Variants in LRRK2 observed in about 807,000 individuals in gnomAD.
LRRK2 encodes the protein leucine rich repeat kinase 2.
A neutral mutation model predicts 302.6 loss-of-function variants in LRRK2; 203 were observed. That is an observed-to-expected ratio of 0.67 (90% CI 0.60 to 0.75). The LOEUF is 0.75. Among genes scored for constraint, LRRK2 ranks in the 30% least tolerant of loss-of-function variants. The probability of loss-of-function intolerance (pLI) is 0.00; values close to 1 mark genes in which losing one functional copy is unlikely to be tolerated. For missense variants in LRRK2, 2,830 were observed against 2,951.0 expected, an observed-to-expected ratio of 0.96 and a Z score of 0.95; for synonymous variants, 1,066 against 1,031.9, an observed-to-expected ratio of 1.03 and a Z score of -0.63.
In LRRK2 at chr12:40,323,171, G is replaced by C; in HGVS notation, c.5521G>C (p.Val1841Leu). ...TTATTACTTCTCAGGAGATCTCTTA[G>C]TAAATCCAGATCAACCAAGGCTCAC... is the stretch of plus-strand genomic sequence containing the variant. ...MKKAEEGDLL[V>L]NPDQPRLTIP... is the part of the protein sequence containing the mutation. The change falls in exon 38 of 51, where the codon GTA (valine) becomes CTA (leucine). Residue 1841 changes from valine (V) to leucine (L), a missense_variant. This residue lies in a region of LRRK2 where 2,121 missense variants were observed against 2,148.0 expected (regional missense o/e 0.99). Transcript: ENST00000298910. The C allele has an allele frequency of 6.2e-7, 1 of 1,612,962 alleles. No individual in the cohort carries two copies. Among genetic ancestry groups the C allele is most frequent in the Non-Finnish European group, 8.5e-7 (1 of 1,179,216 alleles).
chr12:40,291,423 T>C (rs1944152317), intron 20 of LRRK2, among the ~76,000 whole-genome samples: 1 of 114,866 alleles, frequency 8.7e-6, no homozygotes, highest in South Asian at 2.9e-4. Context: ...GAACTTAAAG[T>C]ATAATAAAAT....
chr12:40,305,937 T>C lies in LRRK2; in HGVS notation c.3930T>C (p.His1310=), dbSNP rs945724905. ...DELHLNFDFK[H]IGCKAKDIIR... is the part of the protein sequence containing the mutation. ...TGCATCTTAACTTTGATTTTAAACA[T>C]ATAGGATGTAAAGCCAAAGACATCA... is the stretch of plus-strand genomic sequence containing the variant. Residue 1310 remains histidine, a synonymous_variant, in exon 28 of 51, where the codon CAT becomes CAC. Coordinates refer to ENST00000298910, the MANE Select transcript of LRRK2 (RefSeq NM_198578.4). The C allele has an allele frequency of 6.2e-7, 1 of 1,611,570 alleles. No individual in the cohort carries two copies. The highest frequency in any genetic ancestry group is 8.5e-7 in the Non-Finnish European group (1 of 1,178,474).
chr12:40,337,823 C>T (rs995850152), intron 40 of LRRK2, among the ~76,000 whole-genome samples: 4 of 152,184 alleles, frequency 2.6e-5, no homozygotes, highest in Non-Finnish European at 5.9e-5. Context: ...CACCCCACTG[C>T]CCACACTGCA....
At position 40,323,153 on chromosome 12, in the gene LRRK2, T is replaced by C. The variant is rs766613062; in HGVS notation, c.5510-7T>C. 1 of 1,611,398 alleles carries C rather than the reference T, an allele frequency of 6.2e-7. No homozygotes were observed. The highest frequency in any genetic ancestry group is 1.7e-5 in the Admixed American group (1 of 59,978). On this transcript the variant is annotated splice_polypyrimidine_tract_variant and splice_region_variant and intron_variant, in intron 37 of 50. Coordinates refer to ENST00000298910, the MANE Select transcript of LRRK2 (RefSeq NM_198578.4). ...TTTTATTTAAAAAATGTTTTATTAC[T>C]TCTCAGGAGATCTCTTAGTAAATCC...
At chr12:40,264,322 T>G (rs1188176633) in intron 14 of LRRK2, among the ~76,000 whole-genome samples, 2 of 152,112 alleles carry the variant, frequency 1.3e-5, no homozygotes, top group Non-Finnish European at 1.5e-5. Context: ...CATACCAGTG[T>G]TAACAGTAAA....
At position 40,363,361 on chromosome 12, in the gene LRRK2, A is replaced by G. The variant is rs184962630; in HGVS notation, c.7029-41A>G. 3,916 of 1,591,324 alleles carry G rather than the reference A, an allele frequency of 2.5e-3. 11 individuals carry two copies. The highest frequency in any genetic ancestry group is 2.9e-3 in the Non-Finnish European group (3,359 of 1,167,936). On this transcript the variant is annotated intron_variant, in intron 47 of 50. Coordinates refer to ENST00000298910, the MANE Select transcript of LRRK2 (RefSeq NM_198578.4). ...TATTACACGTAGAAATTTTAAGAAG[A>G]AAACAAATAGTGATGACTTTCTATT...
At chr12:40,321,355 T>A (rs903349177) in intron 35 of LRRK2, among the ~76,000 whole-genome samples, 167 bp downstream of exon 35, 2 of 151,994 alleles carry the variant, frequency 1.3e-5, no homozygotes, top group Non-Finnish European at 2.9e-5. Context: ...CATAAAACCT[T>A]GGAGTAGGCA....
chr12:40,317,383 C>CT (rs1945257692), intron 33 of LRRK2, among the ~76,000 whole-genome samples: 1 of 151,964 alleles, frequency 6.6e-6, no homozygotes, highest in Admixed American at 6.6e-5. Context: ...TCAAGTGAAA[C>CT]CAAGAGCAAC....
intron 41 of LRRK2, among the ~76,000 whole-genome samples, chr12:40,341,955 A>G (rs1402965896): frequency 6.6e-6 from 1 of 152,216 alleles, no homozygotes; most frequent in Non-Finnish European, 1.5e-5. Context: ...CATAGACCTG[A>G]TATATTTCCA....
chr12:40,335,250 C>A (rs2136938840), intron 40 of LRRK2, 93 bp downstream of exon 40: 3 of 1,286,190 alleles, frequency 2.3e-6, no homozygotes, highest in Non-Finnish European at 3.3e-6. Context: ...TAACACTGTG[C>A]CCCAGTAACA....
intron 42 of LRRK2, among the ~76,000 whole-genome samples, chr12:40,347,635 T>C (rs1159325819): frequency 6.6e-6 from 1 of 152,238 alleles, no homozygotes; most frequent in Non-Finnish European, 1.5e-5. Context: ...TAATCTAGGT[T>C]ATTTCCCTTA....
At chr12:40,293,005 G>T (rs1944219360) in intron 20 of LRRK2, among the ~76,000 whole-genome samples, 1 of 152,052 alleles carries the variant, frequency 6.6e-6, no homozygotes, top group Middle Eastern at 3.4e-3. Flanking sequence ...AATAATTTGT[G>T]TGATTACAAC....
chr12:40,231,576 C>CAAAAAAAAAAAAAAAAA (rs71078231), intron 2 of LRRK2, among the ~76,000 whole-genome samples: 1 of 105,884 alleles, frequency 9.4e-6, no homozygotes, highest in Non-Finnish European at 1.8e-5. Flanking sequence ...AAAACAAAAC[C>CAAAAAAAAAAAAAAAAA]AAAAAAAAAA....
intron 5 of LRRK2, among the ~76,000 whole-genome samples, chr12:40,239,489 G>A (rs1318499928): frequency 3.3e-5 from 5 of 152,112 alleles, no homozygotes; most frequent in Admixed American, 2.6e-4. Flanking sequence ...TATCACCATC[G>A]TTGTTTAGTC....
At chr12:40,299,844 A>G (rs1217898396) in intron 25 of LRRK2, among the ~76,000 whole-genome samples, 1 of 152,058 alleles carries the variant, frequency 6.6e-6, no homozygotes, top group African/African-American at 2.4e-5. Context: ...GGTGGTGGTG[A>G]GGGAAGAAGG....
rs555093558 is a variant in LRRK2 at position 40,327,107 on chromosome 12, T to A, written c.5657-1253T>A. On this transcript the variant is annotated intron_variant, in intron 38 of 50. Coordinates refer to ENST00000298910, the MANE Select transcript of LRRK2 (RefSeq NM_198578.4). ...AGTGACTACATTTCAAGGCACTATA[T>A]GAGAACCATAAATATTGTACAAACA... Among the ~76,000 whole-genome samples the A allele has an allele frequency of 2.0e-5, 3 of 152,338 alleles. No homozygotes were observed. In the East Asian group the frequency reaches 5.8e-4, roughly 29 times the overall value.
chr12:40,314,596 T>C (rs993134104), intron 32 of LRRK2, among the ~76,000 whole-genome samples: 1 of 152,018 alleles, frequency 6.6e-6, no homozygotes, highest in African/African-American at 2.4e-5. Flanking sequence ...AGTCAATGGC[T>C]CCCTGAGATG....
intron 5 of LRRK2, among the ~76,000 whole-genome samples, chr12:40,239,826 CTG>C (rs1357995277): frequency 6.6e-6 from 1 of 152,090 alleles, no homozygotes; most frequent in Non-Finnish European, 1.5e-5. Flanking sequence ...ACTTAGAGTG[CTG>C]TGTTTTCTAA....
chr12:40,287,330 T>C, intron 19 of LRRK2, 21 bp from the exon 20 acceptor site: 2 of 1,582,212 alleles, frequency 1.3e-6, no homozygotes, highest in Non-Finnish European at 1.7e-6. Context: ...TCTAAGTTGC[T>C]GGTGTATCTC....
Sources: allele counts gnomAD v4.1 joint callset (sites outside exome capture counted in the v4.1 genomes callset), GRCh38; gene constraint gnomAD v4.1.1; regional missense constraint gnomAD v4.1.1; transcripts MANE v1.5; gene names NCBI Gene and HGNC (gene_info 2026-07-23, HGNC 2026-07-21).